The following KCTD8 variants were observed in gnomAD, a reference collection of about 807,000 sequenced individuals.
KCTD8 encodes potassium channel tetramerization domain containing 8, also known as BTB/POZ domain-containing protein KCTD8.
A neutral mutation model predicts 31.5 loss-of-function variants in KCTD8; 27 were observed. That is an observed-to-expected ratio of 0.86 (90% CI 0.63 to 1.18). The LOEUF (loss-of-function observed/expected upper bound fraction) is 1.18, where lower values mean the gene tolerates loss of function less well. Ranked by LOEUF, KCTD8 falls within the 50% of genes most tolerant of loss-of-function variation. The pLI is 0.00. For synonymous variants in KCTD8, 290 were observed against 280.0 expected (o/e 1.04, Z -0.36); for missense variants, 658 against 647.7 (o/e 1.02, Z -0.17).
chr4:44,312,098 G>A (rs1717970199), intron 1 of KCTD8, among the ~76,000 whole-genome samples: 1 of 152,128 alleles, frequency 6.6e-6, no homozygotes, highest in East Asian at 1.9e-4. Flanking sequence ...ACATGTATGG[G>A]GAAAGGTATA....
At chr4:44,434,753 C>T (rs1233655940) in intron 1 of KCTD8, among the ~76,000 whole-genome samples, 2 of 151,848 alleles carry the variant, frequency 1.3e-5, no homozygotes, top group Non-Finnish European at 2.9e-5. Context: ...TACTGTCAGA[C>T]ACAGTGCAAG....
At chr4:44,437,979 C>T (rs1721713986) in intron 1 of KCTD8, among the ~76,000 whole-genome samples, 1 of 152,104 alleles carries the variant, frequency 6.6e-6, no homozygotes, top group African/African-American at 2.4e-5. Context: ...TGCTACCTCC[C>T]ACCACTCACT....
intron 1 of KCTD8, among the ~76,000 whole-genome samples, chr4:44,178,137 A>T (rs1188419678): frequency 6.6e-6 from 1 of 152,222 alleles, no homozygotes; most frequent in Non-Finnish European, 1.5e-5. Context: ...TAGCTCCTCT[A>T]AGCATTAACT....
chr4:44,344,888 C>T (rs923141321), intron 1 of KCTD8, among the ~76,000 whole-genome samples: 11 of 152,186 alleles, frequency 7.2e-5, no homozygotes, highest in Admixed American at 2.0e-4. Context: ...AACATACATT[C>T]CTCTAAGCAA....
chr4:44,230,880 G>A (rs1577842778), intron 1 of KCTD8, among the ~76,000 whole-genome samples: 1 of 151,982 alleles, frequency 6.6e-6, no homozygotes, highest in East Asian at 1.9e-4. Flanking sequence ...GCTATCATTT[G>A]GGAATATCCA....
intron 1 of KCTD8, among the ~76,000 whole-genome samples, chr4:44,321,656 T>G (rs1339548845): frequency 6.6e-6 from 1 of 152,178 alleles, no homozygotes; most frequent in Non-Finnish European, 1.5e-5. Context: ...AAATTATTGT[T>G]AAGTATAATT....
intron 1 of KCTD8, among the ~76,000 whole-genome samples, chr4:44,323,916 A>G (rs1718373469): frequency 6.6e-6 from 1 of 151,940 alleles, no homozygotes; most frequent in African/African-American, 2.4e-5. Flanking sequence ...TCTAGGAGGG[A>G]TAGCATTGGG....
intron 1 of KCTD8, among the ~76,000 whole-genome samples, chr4:44,366,768 C>T: frequency 6.6e-6 from 1 of 151,970 alleles, no homozygotes. Context: ...CATTAAGCAA[C>T]ACAGTCTTCC....
At position 44,448,265 on chromosome 4, in the gene KCTD8, C is replaced by T; in HGVS notation, c.259G>A (p.Gly87Ser). 1 of 1,606,280 alleles carries T rather than the reference C, an allele frequency of 6.2e-7. No homozygotes were observed. Among genetic ancestry groups the T allele is most frequent in the Non-Finnish European group, 8.5e-7 (1 of 1,177,134 alleles). Reference sequence around the variant, plus strand: ...GCCCGGCTGTCCCTGGGCAGCTCGCCCCGGCGCCGGGCGCCGCCACGGGGA... The same window carrying T: ...GCCCGGCTGTCCCTGGGCAGCTCGCTCCGGCGCCGGGCGCCGCCACGGGGA... ...SSPRGGARRR[G>S]ELPRDSRARF... The change falls in exon 1 of 2, where the codon GGC becomes AGC. Residue 87 changes from glycine to serine, a missense_variant. Gly to Ser is a moderately conservative substitution (Grantham distance 56). Coordinates refer to ENST00000360029, the MANE Select transcript of KCTD8 (RefSeq NM_198353.3). The surrounding 1 kb of genome is among the most constrained non-coding windows in gnomAD (Gnocchi z 4.1).
chr4:44,325,280 A>C (rs1718414597), intron 1 of KCTD8, among the ~76,000 whole-genome samples: 3 of 151,918 alleles, frequency 2.0e-5, no homozygotes, highest in South Asian at 4.1e-4. Flanking sequence ...AACGGAATAA[A>C]GACTGAAAGT....
intron 1 of KCTD8, among the ~76,000 whole-genome samples, chr4:44,382,711 C>T (rs545435199): frequency 6.9e-6 from 1 of 145,208 alleles, no homozygotes; most frequent in Non-Finnish European, 1.5e-5. Context: ...GCCTGGGCAA[C>T]AGGAGTGAAA....
chr4:44,198,949 A>T (rs1374810779), intron 1 of KCTD8, among the ~76,000 whole-genome samples: 1 of 152,136 alleles, frequency 6.6e-6, no homozygotes, highest in Non-Finnish European at 1.5e-5. Context: ...AAAGACATGG[A>T]GAAAGAGCTA....
At chr4:44,274,268 T>C (rs753992585) in intron 1 of KCTD8, among the ~76,000 whole-genome samples, 1 of 151,970 alleles carries the variant, frequency 6.6e-6, no homozygotes, top group Non-Finnish European at 1.5e-5. Flanking sequence ...ATGAGTCTAC[T>C]GAATGGTGTC....
intron 1 of KCTD8, among the ~76,000 whole-genome samples, chr4:44,219,984 C>T (rs534485815): frequency 6.6e-6 from 1 of 152,184 alleles, no homozygotes; most frequent in South Asian, 2.1e-4. Context: ...TAAACAAAAA[C>T]TATTATTTGA....
chr4:44,393,465 A>G (rs954563737), intron 1 of KCTD8, among the ~76,000 whole-genome samples: 3 of 151,834 alleles, frequency 2.0e-5, no homozygotes, highest in South Asian at 2.1e-4. Flanking sequence ...AATTATGCCA[A>G]TAACGTTGGT....
At chr4:44,299,516 G>A (rs985599531) in intron 1 of KCTD8, among the ~76,000 whole-genome samples, 32 of 152,104 alleles carry the variant, frequency 2.1e-4, no homozygotes, top group Admixed American at 6.5e-5. Context: ...GGATCACAAG[G>A]TCAGGAGATC....
intron 1 of KCTD8, among the ~76,000 whole-genome samples, chr4:44,386,872 A>T (rs1437348553): frequency 6.6e-6 from 1 of 151,472 alleles, no homozygotes; most frequent in Non-Finnish European, 1.5e-5. Flanking sequence ...GATGAATGAA[A>T]CAAGTAAATG....
chr4:44,400,497 G>A (rs1026421325), intron 1 of KCTD8, among the ~76,000 whole-genome samples: 1 of 151,980 alleles, frequency 6.6e-6, no homozygotes. Context: ...GGGAGGCCGT[G>A]GTGGGTGGAT....
chr4:44,241,094 T>A (rs1333374614), intron 1 of KCTD8, among the ~76,000 whole-genome samples: 1 of 152,248 alleles, frequency 6.6e-6, no homozygotes, highest in East Asian at 1.9e-4. Context: ...TCCTCATTTT[T>A]GCTAACTACT....
Sources: allele counts gnomAD v4.1 joint callset (sites outside exome capture counted in the v4.1 genomes callset), GRCh38; gene constraint gnomAD v4.1.1; non-coding constraint Gnocchi (gnomAD v3.1); transcripts MANE v1.5; gene names NCBI Gene and HGNC (gene_info 2026-07-23, HGNC 2026-07-21).